Variants in RAD51B observed in about 807,000 individuals in gnomAD.
The protein encoded by RAD51B is RAD51 paralog B.
A neutral mutation model predicts 42.2 loss-of-function variants in RAD51B; 38 were observed. The ratio of observed to expected loss-of-function variants is 0.90; its 90% CI spans 0.70 to 1.18. RAD51B has a LOEUF of 1.18. Among genes scored for constraint, RAD51B ranks in the 50% most tolerant of loss-of-function variants. The pLI, the probability that RAD51B is intolerant of heterozygous loss-of-function variation, is 0.00. For synonymous variants in RAD51B, 154 were observed against 145.2 expected, an observed-to-expected ratio of 1.06 and a Z score of -0.43; for missense variants, 373 against 400.7, an observed-to-expected ratio of 0.93 and a Z score of 0.59.
At chr14:67,940,887 C>A (rs974729202) in intron 7 of RAD51B, among the ~76,000 whole-genome samples, 7 of 152,110 alleles carry the variant, frequency 4.6e-5, no homozygotes, top group Admixed American at 1.3e-4. Flanking sequence ...TTGACTCAGA[C>A]TTTTTTCACC....
At chr14:68,475,153 T>C (rs1436001537) in intron 10 of RAD51B, among the ~76,000 whole-genome samples, 1 of 152,220 alleles carries the variant, frequency 6.6e-6, no homozygotes, top group Non-Finnish European at 1.5e-5. Context: ...TATTTCTGTT[T>C]ATATGATGTT....
At chr14:67,835,057 A>T in intron 3 of RAD51B, 23 bp from the exon 4 acceptor site, 5 of 1,569,554 alleles carry the variant, frequency 3.2e-6, no homozygotes, top group Non-Finnish European at 4.4e-6. Context: ...GTTGAAAAAA[A>T]ACTTAATCAT....
chr14:68,197,065 T>TGG (rs2079387801), intron 7 of RAD51B, among the ~76,000 whole-genome samples: 1 of 152,216 alleles, frequency 6.6e-6, no homozygotes, highest in Non-Finnish European at 1.5e-5. Context: ...GGAAATGCAA[T>TGG]GATTTTTTTT....
chr14:68,669,042 A>G (rs193098781), intron 11 of RAD51B, among the ~76,000 whole-genome samples: 5 of 152,358 alleles, frequency 3.3e-5, no homozygotes, highest in African/African-American at 1.2e-4. Context: ...TAGAGTCCAG[A>G]AAGAGTCTTA....
intron 9 of RAD51B, among the ~76,000 whole-genome samples, chr14:68,465,950 A>AAT (rs1555414309): frequency 2.5e-5 from 2 of 81,420 alleles, no homozygotes; most frequent in African/African-American, 4.2e-5. Context: ...CAAAAAAAAA[A>AAT]AAAATAAATA....
chr14:68,525,608 T>C (rs1170691214), intron 10 of RAD51B, among the ~76,000 whole-genome samples: 1 of 152,098 alleles, frequency 6.6e-6, no homozygotes, highest in African/African-American at 2.4e-5. Flanking sequence ...TGCAATGGGG[T>C]CTCTTCTTGA....
At chr14:68,093,191 G>A (rs1284355193) in intron 7 of RAD51B, among the ~76,000 whole-genome samples, 1 of 151,626 alleles carries the variant, frequency 6.6e-6, no homozygotes. Flanking sequence ...CTAGGCTTTG[G>A]TATCAGGATG....
intron 7 of RAD51B, chr14:68,000,427 A>G (rs2075460197): frequency 6.6e-6 from 1 of 152,206 alleles, no homozygotes; most frequent in Non-Finnish European, 1.5e-5. Context: ...GTATGTTCGC[A>G]TTTAGTACAA....
At chr14:68,071,852 A>G (rs1394224509) in intron 7 of RAD51B, among the ~76,000 whole-genome samples, 1 of 151,056 alleles carries the variant, frequency 6.6e-6, no homozygotes, top group Non-Finnish European at 1.5e-5. Context: ...ACTCTTCTTC[A>G]TCTGGTAGGA....
intron 7 of RAD51B, among the ~76,000 whole-genome samples, chr14:68,178,544 A>G (rs2079002721): frequency 6.6e-6 from 1 of 152,194 alleles, no homozygotes; most frequent in Non-Finnish European, 1.5e-5. Context: ...ATCCTGTTGA[A>G]TCACATTCCT....
chr14:68,108,233 T>C (rs2077406007), intron 7 of RAD51B, among the ~76,000 whole-genome samples: 1 of 151,814 alleles, frequency 6.6e-6, no homozygotes, highest in South Asian at 2.1e-4. Context: ...AAGTTAAACA[T>C]AGAGTTACCA....
At chr14:68,234,356 G>T (rs886523687) in intron 7 of RAD51B, among the ~76,000 whole-genome samples, 4 of 152,210 alleles carry the variant, frequency 2.6e-5, no homozygotes, top group Admixed American at 1.3e-4. Flanking sequence ...AATAGTATGG[G>T]TCAAGAAAGA....
At chr14:68,436,451 T>A (rs2140147798) in intron 9 of RAD51B, among the ~76,000 whole-genome samples, 1 of 152,282 alleles carries the variant, frequency 6.6e-6, no homozygotes, top group South Asian at 2.1e-4. Flanking sequence ...AGTCAGGTAA[T>A]GTGATGCTTC....
At chr14:68,615,052 T>G (rs1418403430), downstream of RAD51B, among the ~76,000 whole-genome samples, 3 of 152,188 alleles carry the variant, frequency 2.0e-5, no homozygotes, top group African/African-American at 7.2e-5. Flanking sequence ...TTTGTATTTT[T>G]GGTAGAGATG....
intron 7 of RAD51B, 31 bp from the exon 8 acceptor site, chr14:68,291,853 C>T (rs879101837): frequency 6.5e-7 from 1 of 1,532,488 alleles, no homozygotes; most frequent in Non-Finnish European, 9.0e-7. Flanking sequence ...TTCTCCCTTG[C>T]CCCCTACCCC....
intron 10 of RAD51B, among the ~76,000 whole-genome samples, chr14:68,477,052 G>A (rs995305078): frequency 3.3e-5 from 5 of 152,174 alleles, no homozygotes; most frequent in African/African-American, 1.2e-4. Context: ...CAATAGGGAG[G>A]ATAAATGAAG....
At chr14:68,469,992 TAAGAGGG>T (rs1248306075) in intron 10 of RAD51B, among the ~76,000 whole-genome samples, 2 of 152,138 alleles carry the variant, frequency 1.3e-5, no homozygotes, top group East Asian at 3.8e-4. Context: ...ATCATGATTT[TAAGAGGG>T]AAGAGAAAGT....
intron 7 of RAD51B, among the ~76,000 whole-genome samples, chr14:67,928,440 C>T (rs1280117444): frequency 2.0e-5 from 3 of 152,100 alleles, no homozygotes; most frequent in African/African-American, 4.8e-5. Flanking sequence ...GTTATATTAG[C>T]AGGCTGGAGG....
intron 8 of RAD51B, among the ~76,000 whole-genome samples, chr14:68,407,884 G>A (rs547356308): frequency 3.9e-5 from 6 of 152,234 alleles, no homozygotes; most frequent in Admixed American, 6.5e-5. Context: ...GCAGGTGGGC[G>A]CAGGGTAGAA....
Sources: gnomAD v4.1 joint callset for allele counts (sites outside exome capture counted in the v4.1 genomes callset) on GRCh38, gnomAD v4.1.1 for gene constraint, MANE v1.5 for transcripts, NCBI Gene and HGNC (gene_info 2026-07-23, HGNC 2026-07-21) for gene names.